Variants in ZNF407 observed in about 807,000 individuals in gnomAD.
The protein encoded by ZNF407 is zinc finger protein 407.
Under a neutral mutation model 131.2 loss-of-function variants are expected in ZNF407, and 17 were observed. The ratio of observed to expected loss-of-function variants is 0.13; its 90% CI spans 0.09 to 0.19. ZNF407 has a LOEUF of 0.19. Ranked by LOEUF, ZNF407 falls within the 10% of genes least tolerant of loss-of-function variation. The probability of loss-of-function intolerance (pLI) is 1.00; values close to 1 mark genes in which losing one functional copy is unlikely to be tolerated. For synonymous variants in ZNF407, 1,156 were observed against 1,062.0 expected, an observed-to-expected ratio of 1.09 and a Z score of -1.72; for missense variants, 2,681 against 2,830.6, an observed-to-expected ratio of 0.95 and a Z score of 1.20.
chr18:75,051,178 A>T (rs1973496393), intron 8 of ZNF407, among the ~76,000 whole-genome samples: 1 of 152,212 alleles, frequency 6.6e-6, no homozygotes, highest in African/African-American at 2.4e-5. Context: ...TCTAAAACCC[A>T]AAGTAACTTT....
rs1018718347 is a variant in ZNF407, at chr18:74,646,445, C to T, written c.4802+5323C>T. Among the ~76,000 whole-genome samples the T allele has an allele frequency of 1.2e-4, 19 of 152,056 alleles. 1 individual carries two copies. The highest frequency in any genetic ancestry group is 4.6e-4 in the African/African-American group (19 of 41,392). ...ATTTAGATTAACATTAAAATGCTCT[C>T]CCATTGTAAATGATACGTTATATAT... On this transcript the variant is annotated intron_variant, in intron 3 of 8. Coordinates refer to ENST00000299687, the MANE Select transcript of ZNF407 (RefSeq NM_017757.3).
At chr18:75,060,291 T>A (rs1041026029) in intron 8 of ZNF407, 4 of 152,186 alleles carry the variant, frequency 2.6e-5, no homozygotes, top group African/African-American at 9.7e-5. Context: ...TGGTCCCTCT[T>A]CCGGGAAGGG....
intron 8 of ZNF407, among the ~76,000 whole-genome samples, chr18:75,013,137 T>C (rs1973001782): frequency 6.6e-6 from 1 of 152,140 alleles, no homozygotes; most frequent in Non-Finnish European, 1.5e-5. Context: ...TTTGCTGTGC[T>C]GCAGATCGCC....
At chr18:74,622,984 A>C (rs1217553847) in intron 1 of ZNF407, among the ~76,000 whole-genome samples, 2 of 151,006 alleles carry the variant, frequency 1.3e-5, no homozygotes, top group African/African-American at 2.4e-5. Context: ...GTCAGTGTGA[A>C]TGTGAGTCCG....
At position 75,048,091 on chromosome 18, in the gene ZNF407, G is replaced by A. The variant is rs888613650; in HGVS notation, c.5429-15059G>A. 6.6e-6 allele frequency among the ~76,000 whole-genome samples: 1 copy of A among 152,128 alleles called. No homozygotes were observed. The highest frequency in any genetic ancestry group is 6.5e-5 in the Admixed American group (1 of 15,276). On this transcript the variant is annotated intron_variant, in intron 8 of 8. Transcript: ENST00000299687. The surrounding 1 kb of genome is among the most constrained non-coding windows in gnomAD (Gnocchi z 4.1). Reference sequence around the variant, plus strand: ...TTGGTATTCATAACTCGTTAACCACGTGCTCAAGAGGAAAATGACCAGAAT... The same window carrying A: ...TTGGTATTCATAACTCGTTAACCACATGCTCAAGAGGAAAATGACCAGAAT...
chr18:74,710,201 A>G (rs1313837347), intron 3 of ZNF407, among the ~76,000 whole-genome samples: 2 of 152,222 alleles, frequency 1.3e-5, no homozygotes, highest in East Asian at 3.8e-4. Context: ...CCTCTGTTAT[A>G]TTTAATTGAT....
intron 3 of ZNF407, among the ~76,000 whole-genome samples, chr18:74,771,092 A>G (rs1400817134): frequency 1.3e-5 from 2 of 152,150 alleles, no homozygotes; most frequent in Non-Finnish European, 2.9e-5. Flanking sequence ...TAAAATTACA[A>G]GGGTACATTT....
intron 3 of ZNF407, among the ~76,000 whole-genome samples, chr18:74,758,642 G>A (rs1969019900): frequency 6.6e-6 from 1 of 152,160 alleles, no homozygotes; most frequent in Admixed American, 6.5e-5. Context: ...CCAGGCTGGA[G>A]TGCAGTGGCA....
chr18:74,678,552 G>A (rs1966906768), intron 3 of ZNF407, among the ~76,000 whole-genome samples: 1 of 152,162 alleles, frequency 6.6e-6, no homozygotes, highest in South Asian at 2.1e-4. Context: ...TCAAACGTCA[G>A]TTTATCTTCA....
chr18:74,790,015 T>C (rs1424747467), intron 4 of ZNF407, among the ~76,000 whole-genome samples: 1 of 152,192 alleles, frequency 6.6e-6, no homozygotes, highest in Non-Finnish European at 1.5e-5. Context: ...TCTTGTTTAC[T>C]GTATCTCTAA....
intron 8 of ZNF407, among the ~76,000 whole-genome samples, chr18:75,045,948 T>C (rs1360242670): frequency 1.3e-5 from 2 of 152,214 alleles, no homozygotes; most frequent in Non-Finnish European, 2.9e-5. Flanking sequence ...TCTTCGTGAA[T>C]AGGTATTTCC....
At chr18:75,044,912 C>T (rs1973415586) in intron 8 of ZNF407, among the ~76,000 whole-genome samples, 2 of 152,190 alleles carry the variant, frequency 1.3e-5, no homozygotes, top group Admixed American at 1.3e-4. Context: ...CCATACTCCA[C>T]ACTCAGTTTA....
chr18:74,773,559 TAGTA>T (rs761352153), intron 3 of ZNF407, among the ~76,000 whole-genome samples: 1 of 152,162 alleles, frequency 6.6e-6, no homozygotes, highest in Non-Finnish European at 1.5e-5. Flanking sequence ...CTTAAAGAAG[TAGTA>T]AGTAACACCT....
At chr18:75,059,772 C>T (rs1028364696) in intron 8 of ZNF407, among the ~76,000 whole-genome samples, 1 of 140,206 alleles carries the variant, frequency 7.1e-6, no homozygotes, top group South Asian at 2.5e-4. Context: ...CTGACCTCTC[C>T]GAGGAGAGAA....
chr18:74,946,047 G>C (rs1972150618), intron 8 of ZNF407, among the ~76,000 whole-genome samples: 1 of 152,110 alleles, frequency 6.6e-6, no homozygotes, highest in Non-Finnish European at 1.5e-5. Flanking sequence ...CATTACCTCA[G>C]TTATGACTGA....
chr18:74,920,834 G>T, intron 8 of ZNF407, 142 bp downstream of exon 8: 1 of 1,296,558 alleles, frequency 7.7e-7, no homozygotes, highest in South Asian at 3.1e-5. Context: ...CTATAGAAAA[G>T]TACATTCCAG....
At chr18:74,891,090 C>T (rs1971378698) in intron 7 of ZNF407, among the ~76,000 whole-genome samples, 1 of 152,144 alleles carries the variant, frequency 6.6e-6, no homozygotes, top group African/African-American at 2.4e-5. Context: ...CTCTCAAGTA[C>T]ATGATGAGGT....
At chr18:74,625,927 T>C (rs1439803150) in intron 1 of ZNF407, among the ~76,000 whole-genome samples, 1 of 152,060 alleles carries the variant, frequency 6.6e-6, no homozygotes, top group Non-Finnish European at 1.5e-5. Context: ...GACACATAAA[T>C]AACCATAACA....
intron 3 of ZNF407, among the ~76,000 whole-genome samples, chr18:74,748,214 A>G (rs1968715871): frequency 6.6e-6 from 1 of 152,100 alleles, no homozygotes; most frequent in Admixed American, 6.6e-5. Flanking sequence ...ATTATGATCA[A>G]TAATTTTCAC....
Sources: gnomAD v4.1 joint callset for allele counts (sites outside exome capture counted in the v4.1 genomes callset) on GRCh38, gnomAD v4.1.1 for gene constraint, Gnocchi (gnomAD v3.1) non-coding constraint, MANE v1.5 for transcripts, NCBI Gene and HGNC (gene_info 2026-07-23, HGNC 2026-07-21) for gene names.